The following ESR2 variants were observed in gnomAD, a reference collection of about 807,000 sequenced individuals.
ESR2 encodes the protein estrogen receptor 2.
Under a neutral mutation model 49.6 loss-of-function variants are expected in ESR2, and 36 were observed. The ratio of observed to expected loss-of-function variants is 0.73; its 90% CI spans 0.56 to 0.96. The LOEUF (loss-of-function observed/expected upper bound fraction) is 0.96, where lower values mean the gene tolerates loss of function less well. Ranked by LOEUF, ESR2 falls within the 40% of genes least tolerant of loss-of-function variation. The pLI is 0.00. For synonymous variants in ESR2, 320 were observed against 266.1 expected, an observed-to-expected ratio of 1.20 and a Z score of -1.97; for missense variants, 714 against 693.0, an observed-to-expected ratio of 1.03 and a Z score of -0.34.
chr14:64,248,250 A>G (rs564277314), intron 7 of ESR2, among the ~76,000 whole-genome samples: 100 of 152,130 alleles, frequency 6.6e-4, no homozygotes, highest in Admixed American at 9.2e-4. Flanking sequence ...ACGCTTGTAA[A>G]TTCCAGAACT....
chr14:64,329,040 T>A (rs2077422736), intron 1 of ESR2, among the ~76,000 whole-genome samples: 1 of 152,160 alleles, frequency 6.6e-6, no homozygotes, highest in South Asian at 2.1e-4. Context: ...ACGCCTACAA[T>A]TATTGTAGGA....
intron 1 of ESR2, among the ~76,000 whole-genome samples, chr14:64,332,779 G>T (rs1310663529): frequency 6.9e-6 from 1 of 144,616 alleles, no homozygotes; most frequent in Non-Finnish European, 1.5e-5. Flanking sequence ...CAGCCTGGGG[G>T]ACAGAGTGAG....
intron 1 of ESR2, among the ~76,000 whole-genome samples, chr14:64,289,601 T>C (rs1366133750): frequency 2.0e-5 from 3 of 152,188 alleles, no homozygotes; most frequent in Non-Finnish European, 2.9e-5. Flanking sequence ...AGCCAGTCTA[T>C]TGGTATATCA....
At position 64,260,692 on chromosome 14, in the gene ESR2, C is replaced by T. The variant is rs766843910; in HGVS notation, c.709G>A (p.Glu237Lys). 8.3e-6 allele frequency: 13 copies of T among 1,565,280 alleles called. No homozygotes were observed. Among genetic ancestry groups the T allele is most frequent in the East Asian group, 2.3e-5 (1 of 43,194 alleles). ...RLVRRQRSADEQLHCAGKAKR... is the reference protein window; with the variant it reads ...RLVRRQRSADKQLHCAGKAKR... ...GCCTTGCCGGCACAGTGCAGCTGCT[C>T]GTCGGCACTTCTCTGTCTCCGCACA... Residue 237 changes from glutamate to lysine, a missense_variant, in exon 5 of 9, where the codon GAG (glutamate) becomes AAG (lysine). Coordinates refer to ENST00000341099, the MANE Select transcript of ESR2 (RefSeq NM_001437.3).
intron 1 of ESR2, among the ~76,000 whole-genome samples, chr14:64,310,286 A>AAAAAATAAT (rs1555595498): frequency 7.0e-6 from 1 of 142,468 alleles, no homozygotes; most frequent in African/African-American, 2.6e-5. Flanking sequence ...TCGTCTCAAA[A>AAAAAATAAT]AATAATAATA....
At chr14:64,241,099 T>TGG (rs2075718006) in intron 7 of ESR2, among the ~76,000 whole-genome samples, 1 of 140,586 alleles carries the variant, frequency 7.1e-6, no homozygotes, top group Non-Finnish European at 1.5e-5. Context: ...TGAGCCGAGA[T>TGG]TGCGCCACTG....
chr14:64,290,222 C>T (rs897275418), intron 1 of ESR2, among the ~76,000 whole-genome samples: 13 of 152,004 alleles, frequency 8.6e-5, no homozygotes, highest in Admixed American at 6.6e-4. Flanking sequence ...AAGGCATGCA[C>T]CATCATGCCC....
At chr14:64,272,089 A>T (rs1373235965) in intron 3 of ESR2, among the ~76,000 whole-genome samples, 1 of 152,116 alleles carries the variant, frequency 6.6e-6, no homozygotes, top group African/African-American at 2.4e-5. Flanking sequence ...TTTTGGATAT[A>T]AGCTACTTTG....
intron 1 of ESR2, chr14:64,336,411 AC>A (rs1457624508): frequency 6.6e-6 from 1 of 152,178 alleles, no homozygotes; most frequent in African/African-American, 2.4e-5. Context: ...TATTTTTATT[AC>A]CTTACAAACA....
chr14:64,242,444 CAA>C (rs146972114), intron 7 of ESR2, among the ~76,000 whole-genome samples: 33,637 of 121,330 alleles, frequency 0.28, 4,036 homozygotes, highest in Middle Eastern at 0.36. Context: ...AACAAACAAA[CAA>C]AAAAAATATA....
chr14:64,249,222 G>A (rs2075934081), intron 7 of ESR2, among the ~76,000 whole-genome samples: 1 of 152,116 alleles, frequency 6.6e-6, no homozygotes, highest in African/African-American at 2.4e-5. Flanking sequence ...ATAAATGCAT[G>A]CCAACCATGT....
At position 64,233,247 on chromosome 14, in the gene ESR2, G is replaced by C; in HGVS notation, c.1483C>G (p.Leu495Val). The change falls in exon 9 of 9, where the codon CTG (leucine) becomes GTG (valine). Residue 495 changes from leucine (L) to valine (V), a missense_variant. Physicochemically the swap from Leu to Val is conservative, Grantham distance 32 (BLOSUM62 1). Coordinates refer to ENST00000341099, the MANE Select transcript of ESR2 (RefSeq NM_001437.3). ...VPVYDLLLEM[L>V]NAHVLRGCKS... is the part of the protein sequence containing the mutation. ...CACCCGCGAAGCACGTGGGCATTCAGCATCTCCAGCAGCAGGTCATACACT... is the reference window on the plus strand; with the variant it reads ...CACCCGCGAAGCACGTGGGCATTCACCATCTCCAGCAGCAGGTCATACACT... The C allele has an allele frequency of 6.2e-7, 1 of 1,614,202 alleles. No homozygotes were observed. Among genetic ancestry groups the C allele is most frequent in the Non-Finnish European group, 8.5e-7 (1 of 1,180,030 alleles).
intron 7 of ESR2, among the ~76,000 whole-genome samples, chr14:64,244,197 G>A (rs573855312): frequency 6.6e-6 from 1 of 152,194 alleles, no homozygotes; most frequent in Admixed American, 6.5e-5. Flanking sequence ...TCAGGAGTTC[G>A]AGACCAGCCT....
chr14:64,282,991 G>C lies in ESR2; in HGVS notation c.-6C>G. 1 of 1,607,914 alleles carries C rather than the reference G, an allele frequency of 6.2e-7. No homozygotes were observed. ...GGTGAGTTTTTTATATCCATGTCTTGAGATAACAGCTGAGAAAACACCTTG... is the reference window on the plus strand; with the variant it reads ...GGTGAGTTTTTTATATCCATGTCTTCAGATAACAGCTGAGAAAACACCTTG... On this transcript the variant is annotated 5_prime_UTR_variant, in exon 2 of 9. Transcript: ENST00000341099.
intron 4 of ESR2, among the ~76,000 whole-genome samples, chr14:64,264,521 GTTA>G (rs2076285781): frequency 2.6e-5 from 4 of 152,136 alleles, no homozygotes; most frequent in Non-Finnish European, 4.4e-5. Flanking sequence ...ATGCAGGTTT[GTTA>G]CATAGGTATG....
intron 1 of ESR2, among the ~76,000 whole-genome samples, chr14:64,288,935 G>A (rs553654940): frequency 1.7e-4 from 24 of 144,586 alleles, no homozygotes; most frequent in African/African-American, 3.6e-4. Context: ...GCGGTGAGCC[G>A]AGATCACGCC....
At chr14:64,271,375 G>C (rs1461078531) in intron 3 of ESR2, among the ~76,000 whole-genome samples, 1 of 151,948 alleles carries the variant, frequency 6.6e-6, no homozygotes, top group Non-Finnish European at 1.5e-5. Context: ...ACCCAGGCTG[G>C]AGTTCAGTGG....
intron 1 of ESR2, among the ~76,000 whole-genome samples, chr14:64,303,148 A>C (rs2077047254): frequency 2.0e-5 from 3 of 152,162 alleles, no homozygotes; most frequent in African/African-American, 7.2e-5. Context: ...TCGGTGATTA[A>C]ACCCCGAGTG....
chr14:64,310,801 G>C (rs1033510815), intron 1 of ESR2, among the ~76,000 whole-genome samples: 2 of 152,116 alleles, frequency 1.3e-5, no homozygotes, highest in Non-Finnish European at 2.9e-5. Flanking sequence ...CTTTGCTTTA[G>C]TAAGGCTAAA....
Sources: gnomAD v4.1 joint callset for allele counts (sites outside exome capture counted in the v4.1 genomes callset) on GRCh38, gnomAD v4.1.1 for gene constraint, MANE v1.5 for transcripts, NCBI Gene and HGNC (gene_info 2026-07-23, HGNC 2026-07-21) for gene names.